The following EHMT1 variants were observed in gnomAD, a reference collection of about 807,000 sequenced individuals.
EHMT1 encodes histone-lysine N-methyltransferase EHMT1.
In EHMT1, 15 loss-of-function variants were observed where a neutral mutation model predicts 147.2. The observed-to-expected ratio is 0.10, with a 90% CI of 0.07 to 0.16. EHMT1 has a LOEUF of 0.16. EHMT1 is among the 10% of genes least tolerant of loss of function. EHMT1 has a pLI of 1.00. For synonymous variants in EHMT1, 795 were observed against 709.6 expected (o/e 1.12, Z -1.91); for missense variants, 1,587 against 1,772.4 (o/e 0.90, Z 1.88).
At chr9:137,788,576 A>T in intron 15 of EHMT1, 1 of 153,244 alleles carries the variant, frequency 6.5e-6, no homozygotes. Flanking sequence ...TTGCGGGCTT[A>T]GAGGGCCTCA....
chr9:137,803,448 C>A, intron 18 of EHMT1: 2 of 348,530 alleles, frequency 5.7e-6, no homozygotes, highest in Non-Finnish European at 8.1e-6. Context: ...TAGAAAAGGG[C>A]TCTCACCATG....
rs1955952161 is a variant in EHMT1 at position 137,828,250 on chromosome 9, C to T, written c.3541-6099C>T. On this transcript the variant is annotated intron_variant, in intron 25 of 26. Coordinates refer to ENST00000460843, the MANE Select transcript of EHMT1 (RefSeq NM_024757.5). The surrounding 1 kb of genome is among the most constrained non-coding windows in gnomAD (Gnocchi z 5.3). ...TCAGCAGGGGTCAGAGGGGTGTGCC[C>T]AGGAGGAGCCCCTCTGCATTCTTCA... is the stretch of plus-strand genomic sequence containing the variant. Among the ~76,000 whole-genome samples, 1 of 151,852 alleles carries T rather than the reference C, an allele frequency of 6.6e-6. No homozygotes were observed. Among genetic ancestry groups the T allele is most frequent in the Admixed American group, 6.6e-5 (1 of 15,250 alleles).
In EHMT1 at chr9:137,787,635, G is replaced by C. The variant is rs1169285749; in HGVS notation, c.2383-3213G>C. 1 of 540,396 alleles carries C rather than the reference G, an allele frequency of 1.9e-6. No individual in the cohort carries two copies. The highest frequency in any genetic ancestry group is 3.3e-6 in the Non-Finnish European group (1 of 300,534). The allele number at this position is 540,396 out of a possible 1,614,324, so 33.5% of individuals were successfully genotyped here. The stretch of plus-strand genomic sequence containing the variant: ...CTGGCAACAAGCTGGGGGTGGAAGC[G>C]GGAGGGAGGAGGGGCCTGTCTTAAG... On this transcript the variant is annotated intron_variant, in intron 15 of 26. Coordinates refer to ENST00000460843, the MANE Select transcript of EHMT1 (RefSeq NM_024757.5). The surrounding 1 kb of genome is among the most constrained non-coding windows in gnomAD (Gnocchi z 4.2).
At chr9:137,803,549 A>G (rs1193834649) in intron 18 of EHMT1, among the ~76,000 whole-genome samples, 2 of 152,184 alleles carry the variant, frequency 1.3e-5, no homozygotes, top group Non-Finnish European at 2.9e-5. Context: ...CCCTTCACCT[A>G]TCAGTGGACA....
chr9:137,629,203 C>A (rs1843456907), intron 1 of EHMT1, among the ~76,000 whole-genome samples: 1 of 151,594 alleles, frequency 6.6e-6, no homozygotes, highest in African/African-American at 2.4e-5. Context: ...AGCGATTCTC[C>A]AGCCTCAGCC....
chr9:137,821,343 T>TTTA (rs58363285), intron 25 of EHMT1, among the ~76,000 whole-genome samples: 3 of 147,360 alleles, frequency 2.0e-5, no homozygotes, highest in Admixed American at 6.8e-5. Flanking sequence ...TTTTTTTTTT[T>TTTA]AAGAGACCAG....
At chr9:137,806,754 T>G (rs1468757840) in intron 18 of EHMT1, among the ~76,000 whole-genome samples, 1 of 152,230 alleles carries the variant, frequency 6.6e-6, no homozygotes, top group South Asian at 2.1e-4. Context: ...CTTTAATGCC[T>G]GGAAAGTCCT....
In EHMT1 at chr9:137,716,873, C is replaced by G. The variant is rs368961311; in HGVS notation, c.333C>G (p.Ala111=). 3.1e-6 allele frequency: 5 copies of G among 1,613,268 alleles called. No individual in the cohort carries two copies. Among genetic ancestry groups the G allele is most frequent in the East Asian group, 2.2e-5 (1 of 44,890 alleles). The part of the protein sequence containing the change: ...SEAAKQNHVT[A]DDFVQTSVIG... ...CGGCGAAGCAAAACCACGTCACTGCCGACGACTTTGTGCAGACTTCTGTCA... is the reference window on the plus strand; with the variant it reads ...CGGCGAAGCAAAACCACGTCACTGCGGACGACTTTGTGCAGACTTCTGTCA... The change falls in exon 3 of 27, where the codon GCC becomes GCG. Residue 111 remains alanine, a synonymous_variant. Coordinates refer to ENST00000460843, the MANE Select transcript of EHMT1 (RefSeq NM_024757.5).
intron 6 of EHMT1, chr9:137,746,476 T>A (rs569980520): frequency 1.3e-5 from 2 of 152,358 alleles, no homozygotes; most frequent in African/African-American, 4.8e-5. Flanking sequence ...AATTTCTTTA[T>A]GATTTCTGAG....
chr9:137,684,653 G>A (rs777477745), intron 1 of EHMT1, among the ~76,000 whole-genome samples: 15 of 151,900 alleles, frequency 9.9e-5, no homozygotes, highest in African/African-American at 2.7e-4. Context: ...CATTAGGCCC[G>A]GCTAATTTTT....
chr9:137,785,307 G>A (rs914263079), intron 15 of EHMT1: 3 of 153,134 alleles, frequency 2.0e-5, no homozygotes, highest in African/African-American at 7.3e-5. Context: ...CAGGAACAAG[G>A]GCTGTATGAG....
rs555986173 is a variant in EHMT1 at position 137,787,996 on chromosome 9, G to T, written c.2383-2852G>T. The T allele has an allele frequency of 2.0e-5, 29 of 1,468,378 alleles. No homozygotes were observed. In the Admixed American group the frequency reaches 4.2e-4, roughly 21 times the overall value. The allele number at this position is 1,468,378 out of a possible 1,614,324, so 91.0% of individuals were successfully genotyped here. A position where few individuals can be genotyped will look rare whatever the true frequency, so the allele number is the denominator to read the frequency against. On this transcript the variant is annotated intron_variant, in intron 15 of 26. Coordinates refer to ENST00000460843, the MANE Select transcript of EHMT1 (RefSeq NM_024757.5). The surrounding 1 kb of genome is among the most constrained non-coding windows in gnomAD (Gnocchi z 4.2). The stretch of plus-strand genomic sequence containing the variant: ...CCCCCAGGAACTGAGGTGCCCTGCA[G>T]TAAGTGGAGAGGCCAGGCCCTAGGC...
At position 137,828,808 on chromosome 9, in the gene EHMT1, A is replaced by G. The variant is rs1955999933; in HGVS notation, c.3541-5541A>G. On this transcript the variant is annotated intron_variant, in intron 25 of 26. Coordinates refer to ENST00000460843, the MANE Select transcript of EHMT1 (RefSeq NM_024757.5). This position sits in a 1 kb window ranked among gnomAD's most constrained non-coding sequence, Gnocchi z 5.3. Reference sequence around the variant, plus strand: ...GCCCTGGGGCCTCATGTCTGCAATGAGCCCTTGGTGGCTCTGAGCAGTGCC... The same window carrying G: ...GCCCTGGGGCCTCATGTCTGCAATGGGCCCTTGGTGGCTCTGAGCAGTGCC... Among the ~76,000 whole-genome samples the G allele has an allele frequency of 6.6e-6, 1 of 152,146 alleles. No homozygotes were observed. The highest frequency in any genetic ancestry group is 6.5e-5 in the Admixed American group (1 of 15,286).
chr9:137,696,677 A>G (rs1206312190), intron 1 of EHMT1, among the ~76,000 whole-genome samples: 42 of 152,310 alleles, frequency 2.8e-4, no homozygotes, highest in Non-Finnish European at 1.5e-5. Flanking sequence ...AATCACGAAG[A>G]TAAGTTTAAA....
chr9:137,626,344 G>C (rs546269070), intron 1 of EHMT1, among the ~76,000 whole-genome samples: 67 of 151,782 alleles, frequency 4.4e-4, no homozygotes, highest in African/African-American at 1.6e-3. Context: ...AACACAGCAA[G>C]ACCCTAAAAT....
At chr9:137,623,207 C>G (rs1209312735) in intron 1 of EHMT1, among the ~76,000 whole-genome samples, 1 of 148,368 alleles carries the variant, frequency 6.7e-6, no homozygotes, top group Non-Finnish European at 1.5e-5. Context: ...AGCAAGACTC[C>G]GTCTCAAAAA....
chr9:137,793,603 G>A (rs1952688100), intron 16 of EHMT1, among the ~76,000 whole-genome samples: 1 of 152,244 alleles, frequency 6.6e-6, no homozygotes, highest in Admixed American at 6.5e-5. Context: ...AGTGTTTACT[G>A]CAGCATTGTT....
At chr9:137,735,543 C>T (rs1480312471) in intron 4 of EHMT1, among the ~76,000 whole-genome samples, 2 of 152,192 alleles carry the variant, frequency 1.3e-5, no homozygotes, top group East Asian at 3.8e-4. Flanking sequence ...AGTAAATCCT[C>T]ATCAATAGTT....
chr9:137,819,539 C>T (rs372945282), intron 25 of EHMT1, among the ~76,000 whole-genome samples: 12 of 10,686 alleles, frequency 1.1e-3, no homozygotes, highest in South Asian at 3.2e-3. Context: ...GAGAGGCCGA[C>T]TGAGGGGCGC....
Sources: gnomAD v4.1 joint callset for allele counts (sites outside exome capture counted in the v4.1 genomes callset) on GRCh38, gnomAD v4.1.1 for gene constraint, Gnocchi (gnomAD v3.1) non-coding constraint, MANE v1.5 for transcripts, NCBI Gene and HGNC (gene_info 2026-07-23, HGNC 2026-07-21) for gene names.